The following KIN variants were observed in gnomAD, a reference collection of about 807,000 sequenced individuals.
KIN encodes Kin17 DNA and RNA binding protein.
A neutral mutation model predicts 63.0 loss-of-function variants in KIN; 47 were observed. That is an observed-to-expected ratio of 0.75 (90% CI 0.59 to 0.95). The LOEUF (loss-of-function observed/expected upper bound fraction) is 0.95. Among genes scored for constraint, KIN ranks in the 40% least tolerant of loss-of-function variants. The pLI, the probability that KIN is intolerant of heterozygous loss-of-function variation, is 0.00. For missense variants in KIN, 408 were observed against 460.9 expected (o/e 0.89, Z 1.05); for synonymous variants, 160 against 157.7 (o/e 1.01, Z -0.11).
At chr10:7,785,812 A>AT (rs1491521548) in intron 1 of KIN, among the ~76,000 whole-genome samples, 33 of 122,804 alleles carry the variant, frequency 2.7e-4, no homozygotes, top group Non-Finnish European at 4.1e-4. Context: ...GACTCTGTCT[A>AT]GAAAAAAAAA....
intron 5 of KIN, among the ~76,000 whole-genome samples, chr10:7,776,861 C>G (rs11255358): frequency 6.6e-6 from 1 of 150,814 alleles, no homozygotes; most frequent in Admixed American, 6.6e-5. Flanking sequence ...TCGAGACCAG[C>G]TTGGACAACA....
chr10:7,776,732 C>CA (rs779355865), intron 5 of KIN, among the ~76,000 whole-genome samples: 41,701 of 83,784 alleles, frequency 0.5, 8,330 homozygotes, highest in Non-Finnish European at 0.54. Flanking sequence ...GACTCTGTCT[C>CA]AAAAAAAAAA....
chr10:7,786,353 T>C (rs1383668433), intron 1 of KIN, among the ~76,000 whole-genome samples: 4 of 152,240 alleles, frequency 2.6e-5, no homozygotes, highest in Non-Finnish European at 5.9e-5. Context: ...ATTTAAGTAT[T>C]TAAAGGTGAA....
chr10:7,772,265 A>G (rs1172130043), intron 7 of KIN, among the ~76,000 whole-genome samples: 4 of 152,222 alleles, frequency 2.6e-5, no homozygotes, highest in Non-Finnish European at 2.9e-5. Flanking sequence ...TTTTGCTGGC[A>G]ATATCAAGAT....
rs1210016789 is a variant in KIN at position 7,755,647 on chromosome 10, T to C, written c.*433A>G. ...TTAAATGAGTGAACTGTATGGTATA[T>C]GAATTATTACCACAATAAAGCTGCT... is the stretch of plus-strand genomic sequence containing the variant. On this transcript the variant is annotated 3_prime_UTR_variant, in exon 13 of 13. Coordinates refer to ENST00000379562, the MANE Select transcript of KIN (RefSeq NM_012311.4). The C allele has an allele frequency of 6.5e-6, 1 of 152,770 alleles. No homozygotes were observed. Among genetic ancestry groups the C allele is most frequent in the African/African-American group, 2.4e-5 (1 of 41,488 alleles). The allele number at this position is 152,770 out of a possible 1,614,324, so 9.5% of individuals were successfully genotyped here.
At chr10:7,777,482 G>C (rs756344238) in intron 5 of KIN, among the ~76,000 whole-genome samples, 3 of 152,164 alleles carry the variant, frequency 2.0e-5, no homozygotes, top group Non-Finnish European at 4.4e-5. Context: ...GTACACCTAA[G>C]ATTAATGCAC....
At chr10:7,787,445 A>T (rs1298335372) in intron 1 of KIN, among the ~76,000 whole-genome samples, 1 of 151,964 alleles carries the variant, frequency 6.6e-6, no homozygotes, top group Admixed American at 6.6e-5. Flanking sequence ...AATCCTAACC[A>T]CCCTGTTTCT....
At chr10:7,757,477 G>A (rs1014352397) in intron 12 of KIN, among the ~76,000 whole-genome samples, 14 of 151,768 alleles carry the variant, frequency 9.2e-5, no homozygotes, top group Admixed American at 2.0e-4. Flanking sequence ...CAGCCTGGGC[G>A]ACAGAGTGAG....
At chr10:7,756,315 AT>A in intron 12 of KIN, among the ~76,000 whole-genome samples, 173 bp from the exon 13 acceptor site, 1 of 152,304 alleles carries the variant, frequency 6.6e-6, no homozygotes, top group African/African-American at 2.4e-5. Flanking sequence ...TGGCATTCTC[AT>A]TAAGAACTAC....
intron 1 of KIN, among the ~76,000 whole-genome samples, chr10:7,783,871 A>C (rs1835947148): frequency 6.6e-6 from 1 of 152,002 alleles, no homozygotes; most frequent in East Asian, 1.9e-4. Context: ...CCTCCAATTT[A>C]ATAGGAAGTC....
rs1835268029 is a variant in KIN at position 7,753,053 on chromosome 10, A to G, written c.*3027T>C. 6.6e-6 allele frequency: 1 copy of G among 152,204 alleles called. No homozygotes were observed. Among genetic ancestry groups the G allele is most frequent in the African/African-American group, 2.4e-5 (1 of 41,460 alleles). The allele number at this position is 152,204 out of a possible 1,614,324, so 9.4% of individuals were successfully genotyped here. A position where few individuals can be genotyped will look rare whatever the true frequency, so the allele number is the denominator to read the frequency against. Reference sequence around the variant, plus strand: ...GAGACTGCTCTAAAAAGTAAAGTCTATGTTTGAAATAAAGAAAAATAGCTT... The same window carrying G: ...GAGACTGCTCTAAAAAGTAAAGTCTGTGTTTGAAATAAAGAAAAATAGCTT... On this transcript the variant is annotated 3_prime_UTR_variant, in exon 13 of 13. Transcript: ENST00000379562.
Position 7,759,965 on chromosome 10 carries a change from T to C in KIN, c.1044A>G (p.Gly348=), listed in dbSNP as rs779658826. 8 of 1,523,728 alleles carry C rather than the reference T, an allele frequency of 5.3e-6. No individual in the cohort carries two copies. Among genetic ancestry groups the C allele is most frequent in the South Asian group, 5.1e-5 (4 of 78,622 alleles). The allele number at this position is 1,523,728 out of a possible 1,614,324, so 94.4% of individuals were successfully genotyped here. A position where few individuals can be genotyped will look rare whatever the true frequency, so the allele number is the denominator to read the frequency against. ...APGKRILVLN[G]GYRGNEGTLE... ...GGGTACCTTCATTTCCTCTGTAGCC[T>C]CCATTTAAAACTAGAATTCTTTTTC... Residue 348 remains glycine, a synonymous_variant, in exon 12 of 13, where the codon GGA becomes GGG. Coordinates refer to ENST00000379562, the MANE Select transcript of KIN (RefSeq NM_012311.4).
chr10:7,784,789 T>C (rs534658269), intron 1 of KIN, among the ~76,000 whole-genome samples: 197 of 152,246 alleles, frequency 1.3e-3, no homozygotes, highest in African/African-American at 4.3e-3. Context: ...ACTAGATATA[T>C]AGGTATGATT....
intron 1 of KIN, among the ~76,000 whole-genome samples, chr10:7,784,943 A>G (rs1257075513): frequency 6.6e-6 from 1 of 152,164 alleles, no homozygotes; most frequent in Admixed American, 6.5e-5. Context: ...TGAGATATAC[A>G]AGATCACCTA....
At chr10:7,757,587 T>C (rs910268948) in intron 12 of KIN, among the ~76,000 whole-genome samples, 9 of 151,962 alleles carry the variant, frequency 5.9e-5, no homozygotes, top group African/African-American at 2.2e-4. Flanking sequence ...AAATATAACA[T>C]GATGATGATG....
At chr10:7,774,742 A>G (rs1415597586) in intron 7 of KIN, 89 bp downstream of exon 7, 1 of 1,072,102 alleles carries the variant, frequency 9.3e-7, no homozygotes, top group Non-Finnish European at 1.4e-6. Context: ...ACAACTAGAA[A>G]AAAATGATTC....
Position 7,784,551 on chromosome 10 carries a change from G to A in KIN, c.115-1376C>T, listed in dbSNP as rs74685038. On this transcript the variant is annotated intron_variant, in intron 1 of 12. Transcript: ENST00000379562. ...TGCTGTGAGCTATGATCGAGCCACT[G>A]TACTCCAGTCTGGGCAAGAGTAAGA... Among the ~76,000 whole-genome samples, 1,056 of 152,100 alleles carry A rather than the reference G, an allele frequency of 6.9e-3. 8 individuals are homozygous for A. The highest frequency in any genetic ancestry group is 0.024 in the African/African-American group (995 of 41,472).
intron 8 of KIN, among the ~76,000 whole-genome samples, chr10:7,768,891 C>T (rs1435396174): frequency 6.6e-6 from 1 of 151,590 alleles, no homozygotes; most frequent in East Asian, 2.0e-4. Context: ...GTGGCAAGCG[C>T]CTGCAATCCC....
chr10:7,774,336 C>T (rs970031895), intron 7 of KIN, among the ~76,000 whole-genome samples: 1 of 152,130 alleles, frequency 6.6e-6, no homozygotes, highest in East Asian at 1.9e-4. Flanking sequence ...AAGAAAAATG[C>T]AGATCCAGCT....
Sources: gnomAD v4.1 joint callset for allele counts (sites outside exome capture counted in the v4.1 genomes callset) on GRCh38, gnomAD v4.1.1 for gene constraint, MANE v1.5 for transcripts, NCBI Gene and HGNC (gene_info 2026-07-23, HGNC 2026-07-21) for gene names.